Variants in WDFY2 observed in about 807,000 individuals in gnomAD.
WDFY2 encodes the protein WD repeat and FYVE domain-containing protein 2.
Under a neutral mutation model 56.4 loss-of-function variants are expected in WDFY2, and 36 were observed. That is an observed-to-expected ratio of 0.64 (90% CI 0.49 to 0.84). The LOEUF is 0.84. WDFY2 is among the 40% of genes least tolerant of loss of function. The pLI, the probability that WDFY2 is intolerant of heterozygous loss-of-function variation, is 0.00. For missense variants in WDFY2, 444 were observed against 512.2 expected (o/e 0.87, Z 1.29); for synonymous variants, 176 against 183.7 (o/e 0.96, Z 0.34).
chr13:51,749,720 T>C (rs1375314497), intron 7 of WDFY2, among the ~76,000 whole-genome samples: 1 of 152,180 alleles, frequency 6.6e-6, no homozygotes, highest in Non-Finnish European at 1.5e-5. Context: ...TATTATACTT[T>C]ATAATCAAAG....
At chr13:51,736,817 A>G (rs1300175092) in intron 6 of WDFY2, among the ~76,000 whole-genome samples, 1 of 152,134 alleles carries the variant, frequency 6.6e-6, no homozygotes, top group East Asian at 1.9e-4. Context: ...TTAGATGTGT[A>G]GGTATATATC....
At chr13:51,659,399 C>T (rs1437945197) in intron 1 of WDFY2, among the ~76,000 whole-genome samples, 1 of 152,136 alleles carries the variant, frequency 6.6e-6, no homozygotes, top group African/African-American at 2.4e-5. Flanking sequence ...CCTGGGATGG[C>T]TTAAGAGTGT....
chr13:51,610,703 A>G (rs940451895), intron 1 of WDFY2, among the ~76,000 whole-genome samples: 5 of 152,256 alleles, frequency 3.3e-5, no homozygotes, highest in African/African-American at 1.2e-4. Context: ...AACAGTCATG[A>G]AAAACATCCA....
At chr13:51,723,582 T>C (rs541136317) in intron 5 of WDFY2, among the ~76,000 whole-genome samples, 4 of 152,316 alleles carry the variant, frequency 2.6e-5, no homozygotes, top group Admixed American at 1.3e-4. Flanking sequence ...TCACATATTT[T>C]CAGTAAACTG....
intron 1 of WDFY2, among the ~76,000 whole-genome samples, chr13:51,616,616 A>G (rs771793124): frequency 2.0e-5 from 3 of 152,216 alleles, no homozygotes; most frequent in Admixed American, 6.5e-5. Flanking sequence ...GATAGGGGAA[A>G]AGATTTGGCA....
chr13:51,674,714 T>G (rs981822554), intron 2 of WDFY2, among the ~76,000 whole-genome samples: 17 of 152,150 alleles, frequency 1.1e-4, no homozygotes, highest in African/African-American at 3.9e-4. Flanking sequence ...TCTAGACTCC[T>G]GTGTGTATGT....
chr13:51,645,114 T>C (rs553015081), intron 1 of WDFY2, among the ~76,000 whole-genome samples: 35 of 152,212 alleles, frequency 2.3e-4, no homozygotes, highest in Non-Finnish European at 4.3e-4. Context: ...CTCTGCAACA[T>C]TTTCTGCGTT....
At chr13:51,741,293 G>A (rs990943821) in intron 7 of WDFY2, among the ~76,000 whole-genome samples, 1 of 152,214 alleles carries the variant, frequency 6.6e-6, no homozygotes, top group African/African-American at 2.4e-5. Flanking sequence ...CCTTTGCCTG[G>A]TGCTTTATTT....
At chr13:51,755,542 G>T in intron 9 of WDFY2, 83 bp downstream of exon 9, 2 of 1,367,348 alleles carry the variant, frequency 1.5e-6, no homozygotes, top group Non-Finnish European at 1.0e-6. Context: ...AACACCCCTG[G>T]GTGGGAGTTG....
In WDFY2 at chr13:51,694,940, C is replaced by A. The variant is rs530010647; in HGVS notation, c.280-8656C>A. ...ACTTCATTTCATTCATTTGATCTTC[C>A]ATCACTGATACCCTTTCTTCCAGTT... On this transcript the variant is annotated intron_variant, in intron 3 of 11. Transcript: ENST00000298125. Among the ~76,000 whole-genome samples, 417 of 151,636 alleles carry A rather than the reference C, an allele frequency of 2.8e-3. 2 individuals are homozygous for A. The highest frequency in any genetic ancestry group is 7.7e-3 in the African/African-American group (317 of 41,090).
At chr13:51,729,985 C>A (rs1277439363) in intron 6 of WDFY2, among the ~76,000 whole-genome samples, 1 of 152,156 alleles carries the variant, frequency 6.6e-6, no homozygotes, top group Non-Finnish European at 1.5e-5. Flanking sequence ...TCCCCATCCT[C>A]CCCCTCGGCC....
Position 51,688,930 on chromosome 13 carries a change from G to T in WDFY2, c.279+13687G>T, listed in dbSNP as rs571758932. Among the ~76,000 whole-genome samples, 3 of 152,118 alleles carry T rather than the reference G, an allele frequency of 2.0e-5. No homozygotes were observed. In the South Asian group the frequency reaches 6.2e-4, roughly 31 times the overall value. On this transcript the variant is annotated intron_variant, in intron 3 of 11. Coordinates refer to ENST00000298125, the MANE Select transcript of WDFY2 (RefSeq NM_052950.4). ...ATTGTGTATAAATGTTATTTAAAATGTACAACACTCTTTCACTGAAGGGTG... is the reference window on the plus strand; with the variant it reads ...ATTGTGTATAAATGTTATTTAAAATTTACAACACTCTTTCACTGAAGGGTG...
chr13:51,756,463 G>C lies in WDFY2; in HGVS notation c.1064+1G>C. 1 of 1,613,338 alleles carries C rather than the reference G, an allele frequency of 6.2e-7. No individual in the cohort carries two copies. The highest frequency in any genetic ancestry group is 1.1e-5 in the South Asian group (1 of 90,988). On this transcript the variant is annotated splice_donor_variant, in intron 10 of 11. Transcript: ENST00000298125. LOFTEE classifies it high-confidence loss of function. ...GCCACGAGGCCATCACAGATGAAGA[G>C]TAAGTTCCTGCAGCCTGCAGACCGC...
chr13:51,733,986 C>G (rs2138672422), intron 6 of WDFY2, among the ~76,000 whole-genome samples: 1 of 152,274 alleles, frequency 6.6e-6, no homozygotes, highest in African/African-American at 2.4e-5. Context: ...GACAAAAACC[C>G]TTGTCACTTC....
rs1236476013 is a variant in WDFY2 at position 51,584,726 on chromosome 13, G to A, written c.39G>A (p.Lys13=). 1.9e-6 allele frequency: 3 copies of A among 1,613,600 alleles called. No homozygotes were observed. Among genetic ancestry groups the A allele is most frequent in the Non-Finnish European group, 2.5e-6 (3 of 1,179,760 alleles). Residue 13 remains lysine, a synonymous_variant, in exon 1 of 12, where the codon AAG becomes AAA. Coordinates refer to ENST00000298125, the MANE Select transcript of WDFY2 (RefSeq NM_052950.4). ...TCCAGCCCAAGCCTCTGACCCGCAA[G>A]CCGATCCTGCTGCAGCGGATGGAGG... ...AEIQPKPLTR[K]PILLQRMEGS...
chr13:51,618,304 G>A (rs905477310), intron 1 of WDFY2, among the ~76,000 whole-genome samples: 1 of 152,142 alleles, frequency 6.6e-6, no homozygotes, highest in African/African-American at 2.4e-5. Flanking sequence ...GCTCACAGAT[G>A]GCCTCATTTC....
At chr13:51,658,573 G>C (rs1236366073) in intron 1 of WDFY2, among the ~76,000 whole-genome samples, 1 of 152,170 alleles carries the variant, frequency 6.6e-6, no homozygotes, top group African/African-American at 2.4e-5. Context: ...ACTGATTTTG[G>C]AGTGTCTTAG....
At chr13:51,638,373 G>A (rs1955092365) in intron 1 of WDFY2, among the ~76,000 whole-genome samples, 2 of 152,174 alleles carry the variant, frequency 1.3e-5, no homozygotes, top group Non-Finnish European at 2.9e-5. Context: ...GTCACATTAA[G>A]GAGGAAGAAT....
At chr13:51,739,909 A>T (rs1347096353) in intron 7 of WDFY2, among the ~76,000 whole-genome samples, 1 of 152,218 alleles carries the variant, frequency 6.6e-6, no homozygotes, top group African/African-American at 2.4e-5. Flanking sequence ...GCCAAAGCTT[A>T]ATCTTTTTGC....
Sources: allele counts gnomAD v4.1 joint callset (sites outside exome capture counted in the v4.1 genomes callset), GRCh38; gene constraint gnomAD v4.1.1; transcripts MANE v1.5; gene names NCBI Gene and HGNC (gene_info 2026-07-23, HGNC 2026-07-21).